The following IGDCC4 variants were observed in gnomAD, a reference collection of about 807,000 sequenced individuals.
IGDCC4 encodes the protein immunoglobulin superfamily DCC subclass member 4, also known as likely ortholog of mouse neighbor of Punc E11.
A neutral mutation model predicts 116.6 loss-of-function variants in IGDCC4; 72 were observed. The ratio of observed to expected loss-of-function variants is 0.62; its 90% CI spans 0.51 to 0.75. The LOEUF is 0.75. IGDCC4 is among the 30% of genes least tolerant of loss of function. IGDCC4 has a pLI of 0.00. For missense variants in IGDCC4, 1,501 were observed against 1,662.4 expected (o/e 0.90, Z 1.69); for synonymous variants, 709 against 719.9 (o/e 0.98, Z 0.24).
At position 65,384,553 on chromosome 15, in the gene IGDCC4, C is replaced by G; in HGVS notation, c.3343-134G>C. On this transcript the variant is annotated intron_variant, in intron 19 of 19. Transcript: ENST00000352385. The surrounding 1 kb of genome is among the most constrained non-coding windows in gnomAD (Gnocchi z 4.9). The stretch of plus-strand genomic sequence containing the variant: ...CACATGGGAGTCGGTGAAGGATACA[C>G]AGGAACTGTTCGAACCTATACAAAG... 1.1e-6 allele frequency: 1 copy of G among 904,486 alleles called. No individual in the cohort carries two copies. 56.0% of individuals were successfully genotyped at this position (904,486 alleles called of 1,614,324 possible).
chr15:65,393,214 TA>T lies in IGDCC4; in HGVS notation c.1885+146del. 2 of 849,088 alleles carry T rather than the reference TA, an allele frequency of 2.4e-6. No individual in the cohort carries two copies. The highest frequency in any genetic ancestry group is 1.7e-5 in the African/African-American group (1 of 57,688). The allele number at this position is 849,088 out of a possible 1,614,324, so 52.6% of individuals were successfully genotyped here. A position where few individuals can be genotyped will look rare whatever the true frequency, so the allele number is the denominator to read the frequency against. On this transcript the variant is annotated intron_variant, in intron 10 of 19. Coordinates refer to ENST00000352385, the MANE Select transcript of IGDCC4 (RefSeq NM_020962.3). This position sits in a 1 kb window ranked among gnomAD's most constrained non-coding sequence, Gnocchi z 4.6. The stretch of plus-strand genomic sequence containing the variant: ...GATCCCAGCCCTTCACCTCTGCACC[TA>T]AGCCTCACTCACCCATCAAGCGGAG...
chr15:65,418,713 T>C (rs1423486950), intron 1 of IGDCC4, among the ~76,000 whole-genome samples: 1 of 152,150 alleles, frequency 6.6e-6, no homozygotes, highest in Non-Finnish European at 1.5e-5. Context: ...CTCAGAGCCA[T>C]GCTTACTCCT....
In IGDCC4 at chr15:65,393,245, C is replaced by A. The variant is rs75249635; in HGVS notation, c.1885+116G>T. ...TCACTCACCCATCAAGCGGAGGGAG[C>A]CATGGAAGGTCTCTGATGGAGGGCG... is the stretch of plus-strand genomic sequence containing the variant. On this transcript the variant is annotated intron_variant, in intron 10 of 19. Transcript: ENST00000352385. This position sits in a 1 kb window ranked among gnomAD's most constrained non-coding sequence, Gnocchi z 4.6. 1.2e-3 allele frequency: 1,304 copies of A among 1,110,730 alleles called. 8 individuals are homozygous for A. In the African/African-American group the frequency reaches 0.019, roughly 16 times the overall value. The allele number at this position is 1,110,730 out of a possible 1,614,324, so 68.8% of individuals were successfully genotyped here.
Position 65,392,139 on chromosome 15 carries a change from T to C in IGDCC4, c.2117A>G (p.Gln706Arg), listed in dbSNP as rs1425037904. ...CTCCCCCCAGCCCTCCTCACCTAGCTGGGTCAGCTCATACTGCTTCACTTT... is the reference window on the plus strand; with the variant it reads ...CTCCCCCCAGCCCTCCTCACCTAGCCGGGTCAGCTCATACTGCTTCACTTT... ...KKKVKQYELT[Q>R]LVPGRLYEVK... Residue 706 changes from glutamine to arginine, a missense_variant, in exon 11 of 20, where the codon CAG becomes CGG. Around this residue, in one of 3 missense-constraint regions of IGDCC4, gnomAD observed 898 missense variants for 978.9 expected, o/e 0.92. Coordinates refer to ENST00000352385, the MANE Select transcript of IGDCC4 (RefSeq NM_020962.3). The C allele has an allele frequency of 1.3e-6, 2 of 1,561,238 alleles. No homozygotes were observed. The highest frequency in any genetic ancestry group is 1.4e-5 in the African/African-American group (1 of 73,424).
rs115373732 is a variant in IGDCC4 at position 65,395,215 on chromosome 15, G to A, written c.1455C>T (p.Thr485=). The part of the protein sequence containing the change: ...VEYQFAVNND[T]TELQVRDLEP... ...CCAGGTCCCGAACCTGTAGTTCTGT[G>A]GTGTCGTTGTTCACTGCAAACTGGT... The change falls in exon 8 of 20, where the codon ACC becomes ACT. Residue 485 remains threonine, a synonymous_variant. Transcript: ENST00000352385. 538 of 1,613,796 alleles carry A rather than the reference G, an allele frequency of 3.3e-4. 3 individuals carry two copies. In the African/African-American group the frequency reaches 6.5e-3, roughly 19 times the overall value.
In IGDCC4 at chr15:65,400,883, A is replaced by G; in HGVS notation, c.764T>C (p.Val255Ala). 2 of 1,613,902 alleles carry G rather than the reference A, an allele frequency of 1.2e-6. No individual in the cohort carries two copies. The highest frequency in any genetic ancestry group is 1.7e-6 in the Non-Finnish European group (2 of 1,179,936). Residue 255 changes from valine (V) to alanine (A), a missense_variant, in exon 5 of 20, where the codon GTG becomes GCG. Physicochemically the swap from Val to Ala is moderately conservative, Grantham distance 64. Coordinates refer to ENST00000352385, the MANE Select transcript of IGDCC4 (RefSeq NM_020962.3). ...CATCACCACACTCTGGCCAGACACC[A>G]CTGTGGTGTTCTCTGGGGCTGCCAC... ...VIVAAPENTT[V>A]VSGQSVVMEC...
intron 1 of IGDCC4, among the ~76,000 whole-genome samples, chr15:65,419,223 CTT>C (rs541482808): frequency 2.9e-4 from 37 of 126,384 alleles, no homozygotes; most frequent in Admixed American, 3.2e-4. Flanking sequence ...GACCGCCATG[CTT>C]TTTTTTTTTT....
At position 65,385,234 on chromosome 15, in the gene IGDCC4, T is replaced by G. The variant is rs377136244; in HGVS notation, c.3181-119A>C. Reference sequence around the variant, plus strand: ...GAGCAGGGTCCAGACTGTCACCCGCTGCTCTCTCCCTCTCCAAGGCTCTGG... The same window carrying G: ...GAGCAGGGTCCAGACTGTCACCCGCGGCTCTCTCCCTCTCCAAGGCTCTGG... On this transcript the variant is annotated intron_variant, in intron 18 of 19. Transcript: ENST00000352385. 4.7e-5 allele frequency: 50 copies of G among 1,059,472 alleles called. No homozygotes were observed. The Admixed American group carries it at 1.5e-3, about 32-fold the overall frequency. 65.6% of individuals were successfully genotyped at this position (1,059,472 alleles called of 1,614,324 possible).
intron 6 of IGDCC4, 114 bp downstream of exon 6, chr15:65,396,720 C>T: frequency 7.5e-7 from 1 of 1,327,984 alleles, no homozygotes; most frequent in Non-Finnish European, 1.0e-6. Context: ...TCCCTGAGTT[C>T]GTCCTCCAGG....
Position 65,392,315 on chromosome 15 carries a change from C to T in IGDCC4, c.1941G>A (p.Val647=), listed in dbSNP as rs2062876012. 1.3e-6 allele frequency: 2 copies of T among 1,590,744 alleles called. No homozygotes were observed. Among genetic ancestry groups the T allele is most frequent in the Non-Finnish European group, 1.7e-6 (2 of 1,165,654 alleles). ...KVQAKMESLV[V]SWQPPPHPTQ... is the part of the protein sequence containing the mutation. ...TGGGGTGAGGGGGTGGCTGCCATGA[C>T]ACGACCAGGGACTCCATCTTTGCCT... The change falls in exon 11 of 20, where the codon GTG becomes GTA. Residue 647 remains valine, a synonymous_variant. Transcript: ENST00000352385.
At chr15:65,394,316 C>T (rs1035944176) in intron 9 of IGDCC4, 95 bp downstream of exon 9, 53 of 1,565,838 alleles carry the variant, frequency 3.4e-5, no homozygotes, top group African/African-American at 1.2e-4. Flanking sequence ...TCCTTTCCTC[C>T]GACTCCCGTA....
rs2091423536 is a variant in IGDCC4 at position 65,383,715 on chromosome 15, G to A, written c.*294C>T. 6.5e-6 allele frequency: 2 copies of A among 306,546 alleles called. No individual in the cohort carries two copies. The highest frequency in any genetic ancestry group is 2.1e-5 in the African/African-American group (1 of 46,574). 19.0% of individuals were successfully genotyped at this position (306,546 alleles called of 1,614,324 possible). A position where few individuals can be genotyped will look rare whatever the true frequency, so the allele number is the denominator to read the frequency against. On this transcript the variant is annotated 3_prime_UTR_variant, in exon 20 of 20. Transcript: ENST00000352385. ...GACCAATCAGGCTGTAGTGACCACT[G>A]CCTGGGCCACGGTTTCCCAGCTCAA...
At chr15:65,396,202 C>A in intron 6 of IGDCC4, 39 bp from the exon 7 acceptor site, 2 of 1,493,758 alleles carry the variant, frequency 1.3e-6, no homozygotes, top group South Asian at 1.3e-5. Flanking sequence ...CGGGATCCCG[C>A]AACTAAGGTC....
At chr15:65,386,972 A>G (rs2091466642) in intron 16 of IGDCC4, among the ~76,000 whole-genome samples, 1 of 152,172 alleles carries the variant, frequency 6.6e-6, no homozygotes, top group African/African-American at 2.4e-5. Context: ...CGCAGACCCC[A>G]TGCTTGGATG....
At chr15:65,387,515 AT>A (rs1219702224) in intron 16 of IGDCC4, among the ~76,000 whole-genome samples, 1 of 150,840 alleles carries the variant, frequency 6.6e-6, no homozygotes, top group Non-Finnish European at 1.5e-5. Flanking sequence ...CGCCCAGCTA[AT>A]TTTTTTTTGT....
intron 16 of IGDCC4, among the ~76,000 whole-genome samples, chr15:65,387,250 C>A (rs1009911515): frequency 3.9e-5 from 6 of 152,162 alleles, no homozygotes; most frequent in Non-Finnish European, 7.3e-5. Flanking sequence ...TGGTCTCCAA[C>A]TCCTGGCCTC....
chr15:65,410,568 T>C (rs1237192365), intron 2 of IGDCC4: 1 of 549,394 alleles, frequency 1.8e-6, no homozygotes, highest in Non-Finnish European at 3.3e-6. Flanking sequence ...TACAGTAAGA[T>C]GCACACTTCT....
chr15:65,395,946 G>T lies in IGDCC4; in HGVS notation c.1215C>A (p.Cys405Ter), dbSNP rs1399185815. The T allele has an allele frequency of 6.3e-7, 1 of 1,589,080 alleles. No homozygotes were observed. ...IGLQDAGYYQ[C>*]VAENSAGMAC... Reference sequence around the variant, plus strand: ...CCATTCCCGCGCTGTTCTCAGCCACGCACTGGTAGTAGCCGGCGTCCTGCA... The same window carrying T: ...CCATTCCCGCGCTGTTCTCAGCCACTCACTGGTAGTAGCCGGCGTCCTGCA... Residue 405 changes from cysteine to a stop codon, truncating the protein, a stop_gained, in exon 7 of 20, where the codon TGC (cysteine) becomes TGA (stop). Coordinates refer to ENST00000352385, the MANE Select transcript of IGDCC4 (RefSeq NM_020962.3). LOFTEE classifies it high-confidence loss of function.
chr15:65,407,858 A>G (rs2063054522), intron 3 of IGDCC4, among the ~76,000 whole-genome samples: 1 of 139,194 alleles, frequency 7.2e-6, no homozygotes, highest in South Asian at 2.2e-4. Flanking sequence ...CTGGTCTCGA[A>G]CTCCTGACCT....
Sources: allele counts gnomAD v4.1 joint callset (sites outside exome capture counted in the v4.1 genomes callset), GRCh38; gene constraint gnomAD v4.1.1; regional missense constraint gnomAD v4.1.1; non-coding constraint Gnocchi (gnomAD v3.1); transcripts MANE v1.5; gene names NCBI Gene and HGNC (gene_info 2026-07-23, HGNC 2026-07-21).